PPM1E: variants seen among roughly 807,000 people sequenced by gnomAD.
PPM1E encodes protein phosphatase, Mg2+/Mn2+ dependent 1E.
In PPM1E, 20 loss-of-function variants were observed where a neutral mutation model predicts 65.9. The ratio of observed to expected loss-of-function variants is 0.30; its 90% CI spans 0.21 to 0.44. The LOEUF (loss-of-function observed/expected upper bound fraction) is 0.44. Ranked by LOEUF, PPM1E falls within the 20% of genes least tolerant of loss-of-function variation. PPM1E has a pLI of 1.00. For synonymous variants in PPM1E, 352 were observed against 374.9 expected (o/e 0.94, Z 0.70); for missense variants, 713 against 953.1 (o/e 0.75, Z 3.32).
intron 2 of PPM1E, among the ~76,000 whole-genome samples, chr17:58,960,624 A>G (rs1019094070): frequency 7.9e-5 from 12 of 151,902 alleles, no homozygotes; most frequent in African/African-American, 2.9e-4. Flanking sequence ...AAAATACAAA[A>G]ATTAGCTTGA....
chr17:58,848,441 C>T (rs1433720980), intron 1 of PPM1E, among the ~76,000 whole-genome samples: 1 of 152,096 alleles, frequency 6.6e-6, no homozygotes, highest in Non-Finnish European at 1.5e-5. Context: ...TTTTTAGATA[C>T]ATCCCATCAA....
rs1231964919 is a variant in PPM1E at position 58,969,840 on chromosome 17, C to T, written c.972+113C>T. 4.0e-6 allele frequency: 4 copies of T among 999,394 alleles called. No individual in the cohort carries two copies. In the African/African-American group the frequency reaches 6.5e-5, roughly 16 times the overall value. The allele number at this position is 999,394 out of a possible 1,614,324, so 61.9% of individuals were successfully genotyped here. A position where few individuals can be genotyped will look rare whatever the true frequency, so the allele number is the denominator to read the frequency against. On this transcript the variant is annotated intron_variant, in intron 4 of 6. Transcript: ENST00000308249. ...TCTTTCTGGGCAGACATTATCCAAA[C>T]TGTATTCTTGACTCACAGTATTGGA... is the stretch of plus-strand genomic sequence containing the variant.
At chr17:58,931,276 C>A (rs930082133) in intron 1 of PPM1E, among the ~76,000 whole-genome samples, 1 of 151,922 alleles carries the variant, frequency 6.6e-6, no homozygotes, top group Admixed American at 6.6e-5. Flanking sequence ...ATCCCAGCTA[C>A]TTGGGAGGAT....
At chr17:58,896,223 G>A (rs1243452057) in intron 1 of PPM1E, among the ~76,000 whole-genome samples, 3 of 152,092 alleles carry the variant, frequency 2.0e-5, no homozygotes, top group African/African-American at 4.8e-5. Flanking sequence ...ATTCCCTTAA[G>A]CCAAAGCCTA....
At chr17:58,972,981 G>C in intron 6 of PPM1E, 56 bp downstream of exon 6, 2 of 1,238,676 alleles carry the variant, frequency 1.6e-6, no homozygotes, top group South Asian at 2.6e-5. Flanking sequence ...TCATTCTCCT[G>C]TATCAACTCT....
intron 1 of PPM1E, among the ~76,000 whole-genome samples, chr17:58,770,893 T>C (rs1241625956): frequency 2.0e-5 from 3 of 151,868 alleles, no homozygotes; most frequent in Non-Finnish European, 4.4e-5. Context: ...AGTCTCACTT[T>C]GTCGCCAGGC....
At chr17:58,971,557 T>A (rs1451620402) in intron 4 of PPM1E, among the ~76,000 whole-genome samples, 1 of 152,170 alleles carries the variant, frequency 6.6e-6, no homozygotes, top group Non-Finnish European at 1.5e-5. Context: ...AGGAAGGATA[T>A]TTTTTTAAAG....
chr17:58,882,025 G>A (rs925709302), intron 1 of PPM1E, among the ~76,000 whole-genome samples: 27 of 143,042 alleles, frequency 1.9e-4, no homozygotes, highest in African/African-American at 6.2e-4. Context: ...AAAAAAATTA[G>A]CCGGGCTTGG....
chr17:58,862,823 T>G (rs2050957072), intron 1 of PPM1E, among the ~76,000 whole-genome samples: 1 of 152,234 alleles, frequency 6.6e-6, no homozygotes. Context: ...GTTGGAAGTA[T>G]GGGTCGATCA....
chr17:58,815,369 A>G (rs1405907991), intron 1 of PPM1E, among the ~76,000 whole-genome samples: 1 of 152,166 alleles, frequency 6.6e-6, no homozygotes, highest in Non-Finnish European at 1.5e-5. Flanking sequence ...TACCTGGAGA[A>G]TATTTATTGT....
At chr17:58,876,321 TA>T (rs1312788971) in intron 1 of PPM1E, among the ~76,000 whole-genome samples, 1 of 152,140 alleles carries the variant, frequency 6.6e-6, no homozygotes, top group African/African-American at 2.4e-5. Flanking sequence ...TTCTTTGTAT[TA>T]ATAGGCAGAA....
At chr17:58,928,935 C>T (rs868808818) in intron 1 of PPM1E, among the ~76,000 whole-genome samples, 2 of 152,022 alleles carry the variant, frequency 1.3e-5, no homozygotes, top group Non-Finnish European at 1.5e-5. Flanking sequence ...AACTCCTGAC[C>T]TCAGGTGATC....
chr17:58,955,583 A>C, intron 1 of PPM1E, 66 bp from the exon 2 acceptor site: 28 of 1,474,632 alleles, frequency 1.9e-5, no homozygotes, highest in African/African-American at 2.8e-5. Flanking sequence ...TGTAATTATT[A>C]TAACGTTAAA....
intron 1 of PPM1E, among the ~76,000 whole-genome samples, chr17:58,854,459 A>G (rs1238060015): frequency 1.3e-5 from 2 of 152,230 alleles, no homozygotes; most frequent in African/African-American, 2.4e-5. Flanking sequence ...GAATAGAAGT[A>G]GACAAGCAGG....
At chr17:58,901,084 C>A (rs2051492856) in intron 1 of PPM1E, among the ~76,000 whole-genome samples, 1 of 152,198 alleles carries the variant, frequency 6.6e-6, no homozygotes, top group African/African-American at 2.4e-5. Context: ...TTTACCACCA[C>A]ATCATGCCAC....
In PPM1E at chr17:58,972,191, G is replaced by C; in HGVS notation, c.1032G>C (p.Val344=). 1 of 1,613,720 alleles carries C rather than the reference G, an allele frequency of 6.2e-7. No individual in the cohort carries two copies. Among genetic ancestry groups the C allele is most frequent in the South Asian group, 1.1e-5 (1 of 91,082 alleles). The part of the protein sequence containing the change: ...VTFIRGNMLH[V]AWVGDSQVML... ...TCATCAGAGGCAACATGCTACATGT[G>C]GCCTGGGTGGGTGATTCCCAGGTTA... The change falls in exon 5 of 7, where the codon GTG becomes GTC. Residue 344 remains valine (V), a synonymous_variant. Coordinates refer to ENST00000308249, the MANE Select transcript of PPM1E (RefSeq NM_014906.5).
intron 1 of PPM1E, among the ~76,000 whole-genome samples, chr17:58,854,925 A>G (rs1220422281): frequency 6.6e-6 from 1 of 152,212 alleles, no homozygotes; most frequent in African/African-American, 2.4e-5. Flanking sequence ...GTGAAAATAG[A>G]GAATCACAGC....
chr17:58,940,023 C>T (rs2052042547), intron 1 of PPM1E, among the ~76,000 whole-genome samples: 1 of 152,176 alleles, frequency 6.6e-6, no homozygotes, highest in Admixed American at 6.6e-5. Context: ...GTGTTCTCAA[C>T]ACAATGACAT....
intron 1 of PPM1E, among the ~76,000 whole-genome samples, chr17:58,789,060 A>G (rs1357028055): frequency 2.6e-5 from 4 of 152,244 alleles, no homozygotes; most frequent in Non-Finnish European, 4.4e-5. Context: ...AAAATGGACT[A>G]TCAAGCCTAA....
Sources: allele counts gnomAD v4.1 joint callset (sites outside exome capture counted in the v4.1 genomes callset), GRCh38; gene constraint gnomAD v4.1.1; transcripts MANE v1.5; gene names NCBI Gene and HGNC (gene_info 2026-07-23, HGNC 2026-07-21).